NUP210: variants seen among roughly 807,000 people sequenced by gnomAD.
NUP210 encodes nuclear pore membrane glycoprotein 210.
A neutral mutation model predicts 196.0 loss-of-function variants in NUP210; 151 were observed. That is an observed-to-expected ratio of 0.77 (90% CI 0.67 to 0.88). The LOEUF is 0.88. Among genes scored for constraint, NUP210 ranks in the 40% least tolerant of loss-of-function variants. NUP210 has a pLI of 0.00. For missense variants in NUP210, 2,314 were observed against 2,493.7 expected (o/e 0.93, Z 1.53); for synonymous variants, 1,070 against 1,052.7 (o/e 1.02, Z -0.32).
In NUP210 at chr3:13,348,933, A is replaced by AAAATAGAG; in HGVS notation, c.2835+2938_2835+2945dup. 2 of 977,212 alleles carry AAAATAGAG rather than the reference A, an allele frequency of 2.0e-6. No individual in the cohort carries two copies. The highest frequency in any genetic ancestry group is 4.7e-5 in the South Asian group (1 of 21,134). 60.5% of individuals were successfully genotyped at this position (977,212 alleles called of 1,614,324 possible). ...TATTAAACAGGGGGTGTTTCACACA[A>AAAATAGAG]AAATAGAGATCTCTATTTTCTCTTG... On this transcript the variant is annotated intron_variant, in intron 20 of 39. Transcript: ENST00000254508. The surrounding 1 kb of genome is among the most constrained non-coding windows in gnomAD (Gnocchi z 4.0).
chr3:13,327,106 G>T, intron 32 of NUP210, 111 bp downstream of exon 32: 2 of 760,534 alleles, frequency 2.6e-6, no homozygotes, highest in Non-Finnish European at 4.2e-6. Context: ...TATCCTGCAG[G>T]TCTGCCTGTA....
In NUP210 at chr3:13,323,409, CCT is replaced by C. The variant is rs1413443050; in HGVS notation, c.4666_4667del (p.Arg1556AspfsTer31). 6.2e-7 allele frequency: 1 copy of C among 1,614,126 alleles called. No individual in the cohort carries two copies. The highest frequency in any genetic ancestry group is 8.5e-7 in the Non-Finnish European group (1 of 1,180,010). On this transcript the variant is annotated frameshift_variant, in exon 34 of 40. Coordinates refer to ENST00000254508, the MANE Select transcript of NUP210 (RefSeq NM_024923.4). LOFTEE classifies it high-confidence loss of function. This position sits in a 1 kb window ranked among gnomAD's most constrained non-coding sequence, Gnocchi z 4.3. The part of the protein sequence containing the change: ...YKEVVVSVPQ[R>X]IMARHLHPIQ... ...TGGGGTGGAGGTGACGGGCCATGAT[CCT>C]CTGAGGGACGCTGACCACCACCTAG...
Position 13,339,955 on chromosome 3 carries a change from C to A in NUP210, c.3370G>T (p.Ala1124Ser). 1 of 1,614,050 alleles carries A rather than the reference C, an allele frequency of 6.2e-7. No individual in the cohort carries two copies. Among genetic ancestry groups the A allele is most frequent in the Non-Finnish European group, 8.5e-7 (1 of 1,180,034 alleles). The change falls in exon 25 of 40, where the codon GCT (alanine) becomes TCT (serine). Residue 1124 changes from alanine (A) to serine (S), a missense_variant. Transcript: ENST00000254508. ...GCGAGGCCCTGTACCAGCCCAGCAGCGCTCACCAGCGCAACGCTCTCATTG... is the reference window on the plus strand; with the variant it reads ...GCGAGGCCCTGTACCAGCCCAGCAGAGCTCACCAGCGCAACGCTCTCATTG... The part of the protein sequence containing the change: ...ISNESVALVS[A>S]AGLVQGLAIG...
intron 18 of NUP210, among the ~76,000 whole-genome samples, chr3:13,352,932 G>A (rs561810293): frequency 1.3e-5 from 2 of 152,142 alleles, no homozygotes; most frequent in Non-Finnish European, 2.9e-5. Context: ...TGGGGGGTGG[G>A]GGGACATCAG....
At position 13,348,574 on chromosome 3, in the gene NUP210, C is replaced by T; in HGVS notation, c.2835+3305G>A. On this transcript the variant is annotated intron_variant, in intron 20 of 39. Coordinates refer to ENST00000254508, the MANE Select transcript of NUP210 (RefSeq NM_024923.4). This position sits in a 1 kb window ranked among gnomAD's most constrained non-coding sequence, Gnocchi z 4.0. ...GCAGTCAGAATTAAGATGTAAGATT[C>T]TCTTCACTCGCATGGCTGGAGGAAG... 1 of 985,416 alleles carries T rather than the reference C, an allele frequency of 1.0e-6. No individual in the cohort carries two copies. Among genetic ancestry groups the T allele is most frequent in the Non-Finnish European group, 1.2e-6 (1 of 829,918 alleles). The allele number at this position is 985,416 out of a possible 1,614,324, so 61.0% of individuals were successfully genotyped here.
rs116159847 is a variant in NUP210 at position 13,402,581 on chromosome 3, G to A, written c.168-2720C>T. On this transcript the variant is annotated intron_variant, in intron 1 of 39. Transcript: ENST00000254508. Reference sequence around the variant, plus strand: ...CCACACTGAGATGCCTGGACAGCCTGCAGAACCCGACTGCAGTGACCACAC... The same window carrying A: ...CCACACTGAGATGCCTGGACAGCCTACAGAACCCGACTGCAGTGACCACAC... Among the ~76,000 whole-genome samples the A allele has an allele frequency of 1.6e-3, 245 of 152,254 alleles. 2 individuals are homozygous for A. The highest frequency in any genetic ancestry group is 2.6e-3 in the Non-Finnish European group (178 of 68,030).
chr3:13,377,585 G>A lies in NUP210; in HGVS notation c.1046-23C>T, dbSNP rs146998719. On this transcript the variant is annotated intron_variant, in intron 8 of 39. Transcript: ENST00000254508. ...ACCCTAAAACAGGCAGAGGGAGCCT[G>A]AGCACTCAGGCCTCAGGGGCAGCAG... 6.2e-4 allele frequency: 982 copies of A among 1,584,024 alleles called. 8 individuals are homozygous for A. The African/African-American group carries it at 0.012, about 20-fold the overall frequency.
intron 31 of NUP210, 93 bp from the exon 32 acceptor site, chr3:13,327,530 A>T (rs1696816699): frequency 1.0e-6 from 1 of 963,420 alleles, no homozygotes; most frequent in African/African-American, 1.6e-5. Flanking sequence ...TCTGCTGAGC[A>T]AAGCATTCAA....
At chr3:13,369,894 G>C (rs79725003) in intron 13 of NUP210, among the ~76,000 whole-genome samples, 1 of 152,236 alleles carries the variant, frequency 6.6e-6, no homozygotes, top group Admixed American at 6.5e-5. Flanking sequence ...AGTAAGCAGA[G>C]GGAGCCACAG....
chr3:13,366,024 G>A lies in NUP210; in HGVS notation c.1854C>T (p.Thr618=), dbSNP rs1698518631. The A allele has an allele frequency of 1.2e-6, 2 of 1,614,208 alleles. No individual in the cohort carries two copies. Among genetic ancestry groups the A allele is most frequent in the African/African-American group, 1.3e-5 (1 of 75,066 alleles). ...IRVKAEAQGS[T]TLLVSYRHGH... ...CGTGTCTGTAGCTCACAAGAAGCGT[G>A]GTAGAGCCCTGGGCCTCGGCCTTTA... is the stretch of plus-strand genomic sequence containing the variant. Residue 618 remains threonine, a synonymous_variant, in exon 14 of 40, where the codon ACC becomes ACT. Coordinates refer to ENST00000254508, the MANE Select transcript of NUP210 (RefSeq NM_024923.4).
chr3:13,362,257 G>A (rs1187070721), intron 14 of NUP210, among the ~76,000 whole-genome samples: 1 of 152,142 alleles, frequency 6.6e-6, no homozygotes, highest in African/African-American at 2.4e-5. Flanking sequence ...GGTCATGCTA[G>A]CTCTCTGGGT....
intron 12 of NUP210, among the ~76,000 whole-genome samples, chr3:13,372,644 G>C (rs1169174704): frequency 6.6e-6 from 1 of 152,182 alleles, no homozygotes; most frequent in East Asian, 1.9e-4. Flanking sequence ...AGCCAGGAGA[G>C]AGGTAAGCAC....
At position 13,353,728 on chromosome 3, in the gene NUP210, C is replaced by T; in HGVS notation, c.2522-68G>A. ...TCACCACCCCTGAAGCAGCCCCTCC[C>T]TCCTTCTGATTTGCAGTTTCGAATC... On this transcript the variant is annotated intron_variant, in intron 17 of 39. Transcript: ENST00000254508. 2.8e-6 allele frequency: 4 copies of T among 1,416,966 alleles called. No homozygotes were observed. The Admixed American group carries it at 5.1e-5, about 18-fold the overall frequency. The allele number at this position is 1,416,966 out of a possible 1,614,324, so 87.8% of individuals were successfully genotyped here.
intron 36 of NUP210, 74 bp downstream of exon 36, chr3:13,321,511 C>T: frequency 2.0e-6 from 3 of 1,517,400 alleles, no homozygotes; most frequent in South Asian, 2.4e-5. Flanking sequence ...ATCCACACCA[C>T]ATTCCCTCTT....
rs1698249451 is a variant in NUP210, at chr3:13,358,210, GC to G, written c.2328+11del. The G allele has an allele frequency of 1.3e-6, 2 of 1,594,944 alleles. No homozygotes were observed. The highest frequency in any genetic ancestry group is 2.3e-5 in the East Asian group (1 of 44,406). On this transcript the variant is annotated intron_variant, in intron 16 of 39. Coordinates refer to ENST00000254508, the MANE Select transcript of NUP210 (RefSeq NM_024923.4). ...GCACCCTCACCTCCTCCCGAGCATA[GC>G]CCACACTCACCACCTGCTTGTTCTG...
intron 11 of NUP210, among the ~76,000 whole-genome samples, chr3:13,374,790 A>G (rs1254224349): frequency 6.6e-6 from 1 of 152,126 alleles, no homozygotes; most frequent in Non-Finnish European, 1.5e-5. Context: ...AACAACCCCA[A>G]AACCCAAGGG....
At position 13,379,670 on chromosome 3, in the gene NUP210, G is replaced by A. The variant is rs149566955; in HGVS notation, c.869C>T (p.Pro290Leu). 312 of 1,613,788 alleles carry A rather than the reference G, an allele frequency of 1.9e-4. 2 individuals are homozygous for A. Among genetic ancestry groups the A allele is most frequent in the African/African-American group, 1.7e-3 (124 of 74,994 alleles). The change falls in exon 7 of 40, where the codon CCG becomes CTG. Residue 290 changes from proline (P) to leucine (L), a missense_variant. Physicochemically the swap from Pro to Leu is moderately conservative, Grantham distance 98. Coordinates refer to ENST00000254508, the MANE Select transcript of NUP210 (RefSeq NM_024923.4). The surrounding 1 kb of genome is among the most constrained non-coding windows in gnomAD (Gnocchi z 4.2). Reference protein sequence around the residue: ...QYELQLQNSIPGPEGDPARPV... With the variant: ...QYELQLQNSILGPEGDPARPV... ...CCGGGCTGGGTCTCCTTCGGGGCCC[G>A]GGATGCTGTTCTGAAGCTGCAACTC...
At chr3:13,386,737 G>C (rs1699291148) in intron 5 of NUP210, among the ~76,000 whole-genome samples, 1 of 152,098 alleles carries the variant, frequency 6.6e-6, no homozygotes, top group Non-Finnish European at 1.5e-5. Flanking sequence ...TGGCCACCGG[G>C]AGCTCAAGTT....
At chr3:13,324,494 C>T (rs574769203) in intron 33 of NUP210, among the ~76,000 whole-genome samples, 77 of 152,274 alleles carry the variant, frequency 5.1e-4, no homozygotes, top group African/African-American at 1.8e-3. Flanking sequence ...GCCTACCTAC[C>T]TCTGTGTGCC....
Sources: gnomAD v4.1 joint callset for allele counts (sites outside exome capture counted in the v4.1 genomes callset) on GRCh38, gnomAD v4.1.1 for gene constraint, Gnocchi (gnomAD v3.1) non-coding constraint, MANE v1.5 for transcripts, NCBI Gene and HGNC (gene_info 2026-07-23, HGNC 2026-07-21) for gene names.